AFG2A: variants seen among roughly 807,000 people sequenced by gnomAD.
AFG2A encodes ATPase family gene 2 protein homolog A.
the AFG2A span, among the ~76,000 whole-genome samples, chr4:122,996,669 C>T: frequency 6.6e-6 from 1 of 152,088 alleles, no homozygotes; most frequent in African/African-American, 2.4e-5. Flanking sequence ...ATTATGGACG[C>T]TGAGAAGTCC....
the AFG2A span, among the ~76,000 whole-genome samples, chr4:123,168,746 G>T: frequency 6.6e-6 from 1 of 152,126 alleles, no homozygotes; most frequent in South Asian, 2.1e-4. Flanking sequence ...AGATTATTTT[G>T]TTGTATACTA....
At chr4:122,985,557 A>G in the AFG2A span, among the ~76,000 whole-genome samples, 1 of 152,024 alleles carries the variant, frequency 6.6e-6, no homozygotes, top group African/African-American at 2.4e-5. Context: ...TAGGTTTTCT[A>G]ATTTATGTGC....
chr4:123,086,239 A>C, the AFG2A span, among the ~76,000 whole-genome samples: 2 of 152,092 alleles, frequency 1.3e-5, no homozygotes, highest in African/African-American at 4.8e-5. Context: ...CAAATTCCTT[A>C]TTTTTATTTG....
the AFG2A span, among the ~76,000 whole-genome samples, chr4:123,250,234 A>G: frequency 2.0e-5 from 3 of 152,220 alleles, no homozygotes; most frequent in Non-Finnish European, 4.4e-5. Flanking sequence ...AAGAAAAGGC[A>G]GCCTTATAAT....
At chr4:123,028,448 C>T in the AFG2A span, 41 of 1,430,706 alleles carry the variant, frequency 2.9e-5, no homozygotes, top group African/African-American at 4.5e-4. Context: ...CCCCAACCCC[C>T]ATTCTCTGAC....
chr4:122,933,100 G>A, the AFG2A span, among the ~76,000 whole-genome samples: 1 of 152,172 alleles, frequency 6.6e-6, no homozygotes, highest in Non-Finnish European at 1.5e-5. Flanking sequence ...GTTTTACAAA[G>A]CAGTATTTAC....
At chr4:123,116,040 C>T in the AFG2A span, among the ~76,000 whole-genome samples, 2 of 152,006 alleles carry the variant, frequency 1.3e-5, no homozygotes, top group Non-Finnish European at 2.9e-5. Flanking sequence ...GCTGGGACTA[C>T]AGGCGGGTGC....
the AFG2A span, among the ~76,000 whole-genome samples, chr4:122,967,667 GT>G: frequency 6.6e-6 from 1 of 152,068 alleles, no homozygotes; most frequent in Non-Finnish European, 1.5e-5. Flanking sequence ...TCCCAAAACT[GT>G]TTTTATTATT....
the AFG2A span, among the ~76,000 whole-genome samples, chr4:122,982,340 G>T: frequency 5.9e-5 from 9 of 152,108 alleles, no homozygotes; most frequent in Admixed American, 3.9e-4. Flanking sequence ...TGCATCCTAG[G>T]GATGAATCTC....
chr4:123,121,788 T>C, the AFG2A span, among the ~76,000 whole-genome samples: 5 of 152,220 alleles, frequency 3.3e-5, no homozygotes, highest in Non-Finnish European at 5.9e-5. Flanking sequence ...CATGACTGTA[T>C]TTTGTTCTGT....
chr4:123,237,814 T>C, the AFG2A span, among the ~76,000 whole-genome samples: 4 of 152,118 alleles, frequency 2.6e-5, no homozygotes, highest in African/African-American at 9.6e-5. Context: ...GTTCATCTCA[T>C]TGGGACTGGT....
the AFG2A span, among the ~76,000 whole-genome samples, chr4:123,044,104 A>G: frequency 3.9e-3 from 518 of 134,078 alleles, 1 homozygote; most frequent in African/African-American, 0.012. Context: ...CAGTACGTCA[A>G]AATCTTGATC....
At chr4:122,935,316 G>T in the AFG2A span, among the ~76,000 whole-genome samples, 395 of 152,038 alleles carry the variant, frequency 2.6e-3, no homozygotes, top group South Asian at 6.0e-3. Flanking sequence ...TCATACTTAT[G>T]TACCTTTTAT....
At chr4:123,243,937 G>A in the AFG2A span, among the ~76,000 whole-genome samples, 10 of 152,168 alleles carry the variant, frequency 6.6e-5, no homozygotes, top group East Asian at 1.5e-3. Flanking sequence ...TGGGAGGACC[G>A]CTTGGACCCT....
At chr4:122,984,575 T>C in the AFG2A span, among the ~76,000 whole-genome samples, 1 of 152,298 alleles carries the variant, frequency 6.6e-6, no homozygotes, top group African/African-American at 2.4e-5. Context: ...CAGTATTACA[T>C]TGGCTGTGGG....
the AFG2A span, among the ~76,000 whole-genome samples, chr4:123,158,367 G>A: frequency 9.8e-4 from 150 of 152,318 alleles, 1 homozygote; most frequent in Non-Finnish European, 1.6e-3. Context: ...GAATTTCAGA[G>A]CAAAGGTTTT....
chr4:123,015,660 C>T, the AFG2A span, among the ~76,000 whole-genome samples: 2 of 151,276 alleles, frequency 1.3e-5, no homozygotes, highest in African/African-American at 2.4e-5. Flanking sequence ...TCCACAAAAC[C>T]GCCATTGTCA....
At chr4:122,935,012 T>A in the AFG2A span, among the ~76,000 whole-genome samples, 5 of 152,224 alleles carry the variant, frequency 3.3e-5, no homozygotes, top group African/African-American at 1.2e-4. Context: ...ATAAGTATCT[T>A]GTCATGCTGG....
the AFG2A span, among the ~76,000 whole-genome samples, chr4:122,968,047 A>G: frequency 6.6e-6 from 1 of 152,164 alleles, no homozygotes; most frequent in Admixed American, 6.5e-5. Context: ...GAAAGTACAG[A>G]TAATTTCCAT....
Sources: allele counts gnomAD v4.1 joint callset (sites outside exome capture counted in the v4.1 genomes callset), GRCh38; gene constraint gnomAD v4.1.1; transcripts MANE v1.5; gene names NCBI Gene and HGNC (gene_info 2026-07-23, HGNC 2026-07-21).